Variants in CYTH1 observed in about 807,000 individuals in gnomAD.
CYTH1 encodes cytohesin-1.
A neutral mutation model predicts 61.8 loss-of-function variants in CYTH1; 18 were observed. The ratio of observed to expected loss-of-function variants is 0.29; its 90% CI spans 0.20 to 0.43. The LOEUF is 0.43. CYTH1 is among the 20% of genes least tolerant of loss of function. The pLI, the probability that CYTH1 is intolerant of heterozygous loss-of-function variation, is 1.00. For missense variants in CYTH1, 336 were observed against 510.5 expected, an observed-to-expected ratio of 0.66 and a Z score of 3.29; for synonymous variants, 174 against 184.3, an observed-to-expected ratio of 0.94 and a Z score of 0.45.
chr17:78,712,219 A>C (rs1259711941), intron 1 of CYTH1, among the ~76,000 whole-genome samples: 1 of 151,484 alleles, frequency 6.6e-6, no homozygotes. Context: ...GAGAAAGAAA[A>C]AGAGAAAGAA....
At chr17:78,692,765 C>T (rs182386132) in intron 10 of CYTH1, among the ~76,000 whole-genome samples, 32 of 151,858 alleles carry the variant, frequency 2.1e-4, no homozygotes, top group Admixed American at 1.4e-3. Flanking sequence ...GGGTTTGTGG[C>T]GAGAAAACCC....
At chr17:78,737,904 A>T (rs1317086549) in intron 1 of CYTH1, among the ~76,000 whole-genome samples, 1 of 150,570 alleles carries the variant, frequency 6.6e-6, no homozygotes, top group Middle Eastern at 3.2e-3. Flanking sequence ...CACACACGAT[A>T]TTTTATATGT....
At position 78,782,248 on chromosome 17, in the gene CYTH1, C is replaced by G. The variant is rs2093522263; in HGVS notation, c.-25G>C. The G allele has an allele frequency of 3.9e-6, 5 of 1,284,470 alleles. No homozygotes were observed. Among genetic ancestry groups the G allele is most frequent in the African/African-American group, 3.1e-5 (2 of 63,770 alleles). The allele number at this position is 1,284,470 out of a possible 1,614,324, so 79.6% of individuals were successfully genotyped here. On this transcript the variant is annotated 5_prime_UTR_variant, in exon 1 of 14. Transcript: ENST00000446868. ...TGGTGCGGGAGCCGGGCTCCGCGCT[C>G]CGGCTCGCCGCTCGCGTCCCGCCGC...
At chr17:78,721,530 A>T (rs1448552989) in intron 1 of CYTH1, among the ~76,000 whole-genome samples, 1 of 152,214 alleles carries the variant, frequency 6.6e-6, no homozygotes, top group Admixed American at 6.5e-5. Flanking sequence ...TAAATCTATT[A>T]AAGGCTTTTA....
intron 1 of CYTH1, among the ~76,000 whole-genome samples, chr17:78,739,615 G>C (rs1048112133): frequency 6.6e-6 from 1 of 152,152 alleles, no homozygotes; most frequent in African/African-American, 2.4e-5. Context: ...TTCCATTCTG[G>C]GTGAGATGCA....
chr17:78,758,851 T>G (rs994000184), intron 1 of CYTH1, among the ~76,000 whole-genome samples: 2 of 152,158 alleles, frequency 1.3e-5, no homozygotes, highest in Non-Finnish European at 2.9e-5. Context: ...AGACTTGAGG[T>G]CAGGGGCACC....
At chr17:78,728,532 G>C (rs1319516838) in intron 1 of CYTH1, among the ~76,000 whole-genome samples, 5 of 150,538 alleles carry the variant, frequency 3.3e-5, no homozygotes, top group Admixed American at 2.6e-4. Context: ...TGGGTAATGA[G>C]AGCGAAACTC....
rs372618002 is a variant in CYTH1 at position 78,698,800 on chromosome 17, G to A, written c.699+20C>T. On this transcript the variant is annotated intron_variant, in intron 8 of 13. Transcript: ENST00000446868. Reference sequence around the variant, plus strand: ...TGAACTCTTTCTTGACTTGAATGAAGACCATTCTTCCTTGCTTACCCGGAG... The same window carrying A: ...TGAACTCTTTCTTGACTTGAATGAAAACCATTCTTCCTTGCTTACCCGGAG... 2 of 1,550,718 alleles carry A rather than the reference G, an allele frequency of 1.3e-6. No individual in the cohort carries two copies. The highest frequency in any genetic ancestry group is 2.3e-5 in the Admixed American group (1 of 43,516).
At chr17:78,733,730 C>T (rs564485680) in intron 1 of CYTH1, among the ~76,000 whole-genome samples, 17 of 152,354 alleles carry the variant, frequency 1.1e-4, no homozygotes, top group South Asian at 4.1e-4. Context: ...GAAGGACCAA[C>T]GGATTCCCCA....
At chr17:78,743,229 T>C (rs772891687) in intron 1 of CYTH1, among the ~76,000 whole-genome samples, 2 of 152,166 alleles carry the variant, frequency 1.3e-5, no homozygotes, top group African/African-American at 2.4e-5. Context: ...CTAAACACAT[T>C]AACAATCATT....
chr17:78,713,642 T>G (rs1167930713), intron 1 of CYTH1, among the ~76,000 whole-genome samples: 3 of 150,098 alleles, frequency 2.0e-5, no homozygotes, highest in Non-Finnish European at 4.4e-5. Flanking sequence ...ATCTGAGCAC[T>G]CAACCATTCT....
intron 1 of CYTH1, among the ~76,000 whole-genome samples, chr17:78,738,818 T>C (rs548680104): frequency 6.6e-6 from 1 of 152,172 alleles, no homozygotes; most frequent in African/African-American, 2.4e-5. Context: ...TCCCAACTTG[T>C]AAGAGGGCAG....
At chr17:78,765,948 T>C (rs1463818311) in intron 1 of CYTH1, among the ~76,000 whole-genome samples, 1 of 152,040 alleles carries the variant, frequency 6.6e-6, no homozygotes, top group Non-Finnish European at 1.5e-5. Context: ...CACATTCCAA[T>C]GAGGCCCTGT....
intron 1 of CYTH1, among the ~76,000 whole-genome samples, chr17:78,720,563 C>T (rs1185470532): frequency 1.3e-5 from 2 of 152,212 alleles, no homozygotes; most frequent in African/African-American, 4.8e-5. Context: ...AGGTGATCAG[C>T]CTGCTTCAGC....
chr17:78,687,976 C>T lies in CYTH1; in HGVS notation c.891+4441G>A, dbSNP rs139534805. 3.0e-3 allele frequency among the ~76,000 whole-genome samples: 460 copies of T among 152,274 alleles called. 3 individuals are homozygous for T. The highest frequency in any genetic ancestry group is 9.8e-3 in the African/African-American group (408 of 41,542). ...ACAGAAGCCGTGTGTGCTCTGCGTC[C>T]ATCTCCTCCGAGGGCTGCATGAACA... On this transcript the variant is annotated intron_variant, in intron 11 of 13. Transcript: ENST00000446868.
chr17:78,707,028 G>A (rs750507407), intron 3 of CYTH1, among the ~76,000 whole-genome samples: 2 of 152,110 alleles, frequency 1.3e-5, no homozygotes, highest in African/African-American at 4.8e-5. Flanking sequence ...TTACAAAAGC[G>A]GAAGTTTTAA....
At chr17:78,780,467 G>C (rs1216995522) in intron 1 of CYTH1, among the ~76,000 whole-genome samples, 3 of 152,228 alleles carry the variant, frequency 2.0e-5, no homozygotes, top group Admixed American at 6.5e-5. Flanking sequence ...AGTGAGCTAT[G>C]AGAGCGCCCC....
chr17:78,714,685 C>T (rs1318661582), intron 1 of CYTH1, among the ~76,000 whole-genome samples: 2 of 152,150 alleles, frequency 1.3e-5, no homozygotes, highest in African/African-American at 2.4e-5. Flanking sequence ...CTGGCTCACT[C>T]GCCCTGAAGC....
chr17:78,763,016 C>T (rs989306354), intron 1 of CYTH1, among the ~76,000 whole-genome samples: 4 of 152,126 alleles, frequency 2.6e-5, no homozygotes, highest in Admixed American at 2.6e-4. Context: ...TGGAAATGTC[C>T]GTCCGGCTGC....
Sources: gnomAD v4.1 joint callset for allele counts (sites outside exome capture counted in the v4.1 genomes callset) on GRCh38, gnomAD v4.1.1 for gene constraint, MANE v1.5 for transcripts, NCBI Gene and HGNC (gene_info 2026-07-23, HGNC 2026-07-21) for gene names.